PGAP1: variants seen among roughly 807,000 people sequenced by gnomAD.
The protein encoded by PGAP1 is GPI inositol-deacylase.
PGAP1 carries 76 observed loss-of-function variants against 127.0 expected under a neutral mutation model. That is an observed-to-expected ratio of 0.60 (90% CI 0.50 to 0.72). The LOEUF (loss-of-function observed/expected upper bound fraction) is 0.72. PGAP1 is among the 30% of genes least tolerant of loss of function. The pLI is 0.00. For missense variants in PGAP1, 982 were observed against 1,071.3 expected, an observed-to-expected ratio of 0.92 and a Z score of 1.16; for synonymous variants, 362 against 366.5, an observed-to-expected ratio of 0.99 and a Z score of 0.14.
At chr2:196,900,789 T>TACA in intron 5 of PGAP1, among the ~76,000 whole-genome samples, 1 of 152,090 alleles carries the variant, frequency 6.6e-6, no homozygotes, top group Admixed American at 6.6e-5. Context: ...TAGCTGGGCA[T>TACA]GGTGGCGGAC....
Position 196,885,761 on chromosome 2 carries a change from A to C in PGAP1, c.1220+73T>G, listed in dbSNP as rs1030817108. 36 of 934,404 alleles carry C rather than the reference A, an allele frequency of 3.9e-5. No homozygotes were observed. In the Admixed American group the frequency reaches 1.1e-3, roughly 29 times the overall value. 57.9% of individuals were successfully genotyped at this position (934,404 alleles called of 1,614,324 possible). On this transcript the variant is annotated intron_variant, in intron 11 of 26. Coordinates refer to ENST00000354764, the MANE Select transcript of PGAP1 (RefSeq NM_024989.4). Reference sequence around the variant, plus strand: ...ATCAAAATGAAAATAACAATGTATGAAACTATTCTAAAAGTGTGGTTTCCG... The same window carrying C: ...ATCAAAATGAAAATAACAATGTATGCAACTATTCTAAAAGTGTGGTTTCCG...
intron 12 of PGAP1, among the ~76,000 whole-genome samples, chr2:196,885,091 C>T (rs1701855642): frequency 6.6e-6 from 1 of 152,120 alleles, no homozygotes; most frequent in African/African-American, 2.4e-5. Context: ...ACTAACTCAG[C>T]TCATATTTTA....
In PGAP1 at chr2:196,926,576, T is replaced by C. The variant is rs770776261; in HGVS notation, c.41A>G (p.Tyr14Cys). The C allele has an allele frequency of 6.3e-7, 1 of 1,598,500 alleles. No individual in the cohort carries two copies. The highest frequency in any genetic ancestry group is 1.1e-5 in the South Asian group (1 of 90,892). ...GGTTGCCAGAAAGACCATGAAGACA[T>C]AAAACGCCAGGTTCCAGAGATTAAC... ...HSVNLWNLAFYVFMVFLATLG... is the reference protein window; with the variant it reads ...HSVNLWNLAFCVFMVFLATLG... Residue 14 changes from tyrosine to cysteine, a missense_variant, in exon 1 of 27, where the codon TAT (tyrosine) becomes TGT (cysteine). By Grantham distance (194) the Tyr-to-Cys change is radical (BLOSUM62 -2). Transcript: ENST00000354764.
intron 1 of PGAP1, among the ~76,000 whole-genome samples, chr2:196,924,281 C>T (rs1295214901): frequency 6.6e-6 from 1 of 152,036 alleles, no homozygotes; most frequent in Non-Finnish European, 1.5e-5. Flanking sequence ...AAGAAGAAAA[C>T]CCAATGACTA....
chr2:196,915,780 C>T (rs1244845822), intron 3 of PGAP1, among the ~76,000 whole-genome samples: 1 of 152,216 alleles, frequency 6.6e-6, no homozygotes, highest in Non-Finnish European at 1.5e-5. Flanking sequence ...TGCAGCATGG[C>T]ATTCAAAGAT....
At chr2:196,912,808 G>T in intron 4 of PGAP1, 74 bp downstream of exon 4, 1 of 1,367,254 alleles carries the variant, frequency 7.3e-7, no homozygotes, top group South Asian at 1.6e-5. Context: ...ACTCCTAGGG[G>T]AATAGCCACA....
intron 12 of PGAP1, among the ~76,000 whole-genome samples, chr2:196,883,627 G>T (rs531434810): frequency 6.6e-6 from 1 of 152,098 alleles, no homozygotes; most frequent in Non-Finnish European, 1.5e-5. Context: ...GAATTTATAC[G>T]TGCTTTGATG....
chr2:196,851,342 T>C (rs564748038), intron 20 of PGAP1, among the ~76,000 whole-genome samples: 1 of 152,250 alleles, frequency 6.6e-6, no homozygotes, highest in East Asian at 1.9e-4. Context: ...TCTGAGGACA[T>C]CTGCCCAGCA....
intron 10 of PGAP1, among the ~76,000 whole-genome samples, chr2:196,890,028 G>C (rs332295): frequency 6.6e-6 from 1 of 151,650 alleles, no homozygotes; most frequent in Non-Finnish European, 1.5e-5. Flanking sequence ...TCAACCTCTC[G>C]GTTCAAGTGA....
intron 19 of PGAP1, among the ~76,000 whole-genome samples, chr2:196,865,361 T>G (rs1701207230): frequency 6.6e-6 from 1 of 152,124 alleles, no homozygotes; most frequent in Non-Finnish European, 1.5e-5. Context: ...ATTTAATACG[T>G]TCCAGGCACA....
intron 10 of PGAP1, among the ~76,000 whole-genome samples, 188 bp downstream of exon 10, chr2:196,890,640 T>C (rs762816411): frequency 7.9e-5 from 12 of 152,084 alleles, no homozygotes; most frequent in Non-Finnish European, 1.6e-4. Context: ...TACACCTTAA[T>C]AGCATAGTAT....
At chr2:196,865,926 G>A (rs1701226421) in intron 19 of PGAP1, among the ~76,000 whole-genome samples, 1 of 152,056 alleles carries the variant, frequency 6.6e-6, no homozygotes, top group Admixed American at 6.6e-5. Context: ...GGGATATGAA[G>A]GACCTCTTCA....
rs1700266609 is a variant in PGAP1, at chr2:196,837,377, C to G, written c.*3857G>C. The G allele has an allele frequency of 6.6e-6, 1 of 152,132 alleles. No individual in the cohort carries two copies. Among genetic ancestry groups the G allele is most frequent in the Non-Finnish European group, 1.5e-5 (1 of 68,032 alleles). The allele number at this position is 152,132 out of a possible 1,614,324, so 9.4% of individuals were successfully genotyped here. On this transcript the variant is annotated 3_prime_UTR_variant, in exon 27 of 27. Transcript: ENST00000354764. ...GGCCAGGTGGTCATGCCTGAAATCCCACTACTTTGGGAGGCCGAGGTGGGA... is the reference window on the plus strand; with the variant it reads ...GGCCAGGTGGTCATGCCTGAAATCCGACTACTTTGGGAGGCCGAGGTGGGA...
chr2:196,846,342 G>A (rs574679855), intron 22 of PGAP1, among the ~76,000 whole-genome samples: 1 of 152,214 alleles, frequency 6.6e-6, no homozygotes, highest in African/African-American at 2.4e-5. Flanking sequence ...GAGAAACTAT[G>A]TTCTATTTCT....
chr2:196,922,637 A>G (rs1282532362), intron 1 of PGAP1: 1 of 641,674 alleles, frequency 1.6e-6, no homozygotes, highest in Non-Finnish European at 1.9e-6. Flanking sequence ...AGAGAGAGAC[A>G]TCCTTTAAAA....
At chr2:196,842,669 G>A (rs1215444013) in intron 26 of PGAP1, 52 bp downstream of exon 26, 7 of 858,142 alleles carry the variant, frequency 8.2e-6, no homozygotes, top group Non-Finnish European at 1.3e-5. Context: ...GATATAAAGG[G>A]GGAAAAAGGC....
Position 196,834,003 on chromosome 2 carries a change from T to C in PGAP1, c.*7231A>G, listed in dbSNP as rs1443014869. ...CTACATGAATGAGTTTATTAATTAT[T>C]AAAAATAATTATTGTGTAAATTAAC... On this transcript the variant is annotated 3_prime_UTR_variant, in exon 27 of 27. Transcript: ENST00000354764. 1.3e-5 allele frequency: 2 copies of C among 151,996 alleles called. No homozygotes were observed. Among genetic ancestry groups the C allele is most frequent in the Non-Finnish European group, 2.9e-5 (2 of 67,926 alleles). The allele number at this position is 151,996 out of a possible 1,614,324, so 9.4% of individuals were successfully genotyped here. A position where few individuals can be genotyped will look rare whatever the true frequency, so the allele number is the denominator to read the frequency against.
Position 196,873,010 on chromosome 2 carries a change from G to T in PGAP1, c.1569C>A (p.Ile523=). 1 of 961,724 alleles carries T rather than the reference G, an allele frequency of 1.0e-6. No homozygotes were observed. The highest frequency in any genetic ancestry group is 1.6e-6 in the Non-Finnish European group (1 of 632,250). 59.6% of individuals were successfully genotyped at this position (961,724 alleles called of 1,614,324 possible). A position where few individuals can be genotyped will look rare whatever the true frequency, so the allele number is the denominator to read the frequency against. The stretch of plus-strand genomic sequence containing the variant: ...AAGACCAAGGAATATGAAGTCTATA[G>T]ATACTGGTTATTTCTTCTGTTAAAA... ...CSAVKEEITS[I]YRLHIPWSYE... Residue 523 remains isoleucine (I), a synonymous_variant, in exon 17 of 27, where the codon ATC becomes ATA. Transcript: ENST00000354764.
chr2:196,873,887 G>C (rs1203208423), intron 14 of PGAP1, 129 bp from the exon 15 acceptor site: 2 of 588,188 alleles, frequency 3.4e-6, no homozygotes, highest in Non-Finnish European at 5.9e-6. Context: ...CTTCTGTATG[G>C]AGTTAACTCC....
Sources: gnomAD v4.1 joint callset for allele counts (sites outside exome capture counted in the v4.1 genomes callset) on GRCh38, gnomAD v4.1.1 for gene constraint, MANE v1.5 for transcripts, NCBI Gene and HGNC (gene_info 2026-07-23, HGNC 2026-07-21) for gene names.